The following MCC variants were observed in gnomAD, a reference collection of about 807,000 sequenced individuals.
MCC encodes the protein colorectal mutant cancer protein.
In MCC, 90 loss-of-function variants were observed where a neutral mutation model predicts 116.2. The ratio of observed to expected loss-of-function variants is 0.77; its 90% CI spans 0.65 to 0.92. The LOEUF is 0.92. Ranked by LOEUF, MCC falls within the 40% of genes least tolerant of loss-of-function variation. The pLI is 0.00. For missense variants in MCC, 1,516 were observed against 1,312.2 expected (o/e 1.16, Z -2.40); for synonymous variants, 578 against 510.5 (o/e 1.13, Z -1.78).
Position 113,349,137 on chromosome 5 carries a change from G to C in MCC, c.416-8407C>G, listed in dbSNP as rs566401275. ...TCTACCAAACATTTAAAGAACTAATGCCAATCCTACCCAAAGTGTTCAAAA... is the reference window on the plus strand; with the variant it reads ...TCTACCAAACATTTAAAGAACTAATCCCAATCCTACCCAAAGTGTTCAAAA... On this transcript the variant is annotated intron_variant, in intron 2 of 18. Transcript: ENST00000408903. Among the ~76,000 whole-genome samples the C allele has an allele frequency of 1.2e-4, 18 of 151,916 alleles. No individual in the cohort carries two copies. In the South Asian group the frequency reaches 3.7e-3, roughly 32 times the overall value.
In MCC at chr5:113,024,735, CATTTA is replaced by C. The variant is rs944475301; in HGVS notation, c.*2562_*2566del. 7 of 77,346 alleles carry C rather than the reference CATTTA, an allele frequency of 9.1e-5. No homozygotes were observed. Among genetic ancestry groups the C allele is most frequent in the African/African-American group, 3.1e-4 (5 of 16,170 alleles). 4.8% of individuals were successfully genotyped at this position (77,346 alleles called of 1,614,324 possible). ...GGAAAATTACCCAGGAACCTGCAAG[CATTTA>C]ATTTAATCAGTATAGTTTAGTTCAG... On this transcript the variant is annotated 3_prime_UTR_variant, in exon 19 of 19. Transcript: ENST00000408903.
chr5:113,128,378 C>G (rs1758208055), intron 5 of MCC, among the ~76,000 whole-genome samples: 1 of 152,122 alleles, frequency 6.6e-6, no homozygotes, highest in African/African-American at 2.4e-5. Context: ...AGTAGACTTG[C>G]CTTTAAATGG....
intron 5 of MCC, among the ~76,000 whole-genome samples, chr5:113,126,810 C>G (rs902401343): frequency 6.6e-6 from 1 of 152,148 alleles, no homozygotes; most frequent in African/African-American, 2.4e-5. Context: ...GAGTCATGAG[C>G]TATGTGTGGA....
intron 2 of MCC, among the ~76,000 whole-genome samples, chr5:113,382,283 T>C (rs933427334): frequency 6.6e-6 from 1 of 151,772 alleles, no homozygotes; most frequent in Non-Finnish European, 1.5e-5. Flanking sequence ...TTTTTTTTTT[T>C]TTTTGGATAC....
intron 1 of MCC, among the ~76,000 whole-genome samples, chr5:113,467,644 T>C (rs1220967240): frequency 6.6e-6 from 1 of 152,208 alleles, no homozygotes; most frequent in East Asian, 1.9e-4. Flanking sequence ...TTCTTTTGGC[T>C]TAGGATTGAC....
chr5:113,042,377 G>C (rs1200282349), intron 17 of MCC, among the ~76,000 whole-genome samples: 1 of 148,968 alleles, frequency 6.7e-6, no homozygotes, highest in African/African-American at 2.5e-5. Context: ...TGGGAGGCTG[G>C]GGTGGGAGGA....
chr5:113,162,054 G>A (rs987529309), intron 3 of MCC, among the ~76,000 whole-genome samples: 5 of 152,124 alleles, frequency 3.3e-5, no homozygotes. Flanking sequence ...AATCTGCTTC[G>A]TGTTCCCTCT....
chr5:113,157,959 T>C lies in MCC; in HGVS notation c.628-6537A>G, dbSNP rs114113433. Among the ~76,000 whole-genome samples, 554 of 152,312 alleles carry C rather than the reference T, an allele frequency of 3.6e-3. 3 individuals are homozygous for C. Among genetic ancestry groups the C allele is most frequent in the African/African-American group, 0.013 (525 of 41,566 alleles). On this transcript the variant is annotated intron_variant, in intron 3 of 18. Transcript: ENST00000408903. Reference sequence around the variant, plus strand: ...ATAAGGATGACGTGAACACAAGCACTGTGATGCCATGGCATTTGATGTGAT... The same window carrying C: ...ATAAGGATGACGTGAACACAAGCACCGTGATGCCATGGCATTTGATGTGAT...
chr5:113,180,682 T>G (rs1403598346), intron 3 of MCC, among the ~76,000 whole-genome samples: 1 of 152,154 alleles, frequency 6.6e-6, no homozygotes, highest in Non-Finnish European at 1.5e-5. Context: ...GAGTATACAT[T>G]TATGTATATG....
intron 3 of MCC, among the ~76,000 whole-genome samples, chr5:113,157,906 C>T (rs1483771016): frequency 6.6e-6 from 1 of 152,224 alleles, no homozygotes. Flanking sequence ...CACTGCTACT[C>T]TTATGCTTCG....
chr5:113,288,797 T>A (rs1162431094), intron 3 of MCC, among the ~76,000 whole-genome samples: 3 of 152,212 alleles, frequency 2.0e-5, no homozygotes, highest in African/African-American at 7.2e-5. Context: ...GGCACAAATC[T>A]TGACTCCACC....
chr5:113,075,826 G>A (rs1197073320), intron 11 of MCC, among the ~76,000 whole-genome samples: 3 of 152,074 alleles, frequency 2.0e-5, no homozygotes, highest in Non-Finnish European at 2.9e-5. Flanking sequence ...TTGGGTCCGC[G>A]CCACCTTTAA....
At chr5:113,240,005 T>C (rs1410149692) in intron 3 of MCC, among the ~76,000 whole-genome samples, 17 of 152,246 alleles carry the variant, frequency 1.1e-4, no homozygotes, top group Admixed American at 1.1e-3. Context: ...CAGTGGCTTC[T>C]GCCTTTTTGA....
intron 5 of MCC, among the ~76,000 whole-genome samples, chr5:113,138,380 G>A (rs1030896489): frequency 6.6e-6 from 1 of 152,154 alleles, no homozygotes; most frequent in African/African-American, 2.4e-5. Flanking sequence ...GCCTTTGGGA[G>A]GTAATTAGGT....
intron 3 of MCC, among the ~76,000 whole-genome samples, chr5:113,166,545 A>G (rs1020344306): frequency 3.9e-5 from 6 of 152,204 alleles, no homozygotes; most frequent in African/African-American, 1.4e-4. Flanking sequence ...AAATGCAAAC[A>G]TCACTCTGAG....
chr5:113,239,731 G>A (rs1352002981), intron 3 of MCC, among the ~76,000 whole-genome samples: 1 of 152,120 alleles, frequency 6.6e-6, no homozygotes, highest in Non-Finnish European at 1.5e-5. Flanking sequence ...CTTATTTTAG[G>A]CAACTATGGT....
At chr5:113,293,724 C>G (rs1766598868) in intron 3 of MCC, among the ~76,000 whole-genome samples, 1 of 152,124 alleles carries the variant, frequency 6.6e-6, no homozygotes, top group African/African-American at 2.4e-5. Flanking sequence ...GCGCTTGCCT[C>G]AAAGACTCAG....
chr5:113,092,946 A>C (rs527998267), intron 8 of MCC, among the ~76,000 whole-genome samples: 6 of 152,314 alleles, frequency 3.9e-5, no homozygotes, highest in African/African-American at 1.4e-4. Flanking sequence ...AATGGGAAGC[A>C]ATTTGATTGT....
At chr5:113,398,165 G>T (rs1769582473) in intron 1 of MCC, among the ~76,000 whole-genome samples, 1 of 152,106 alleles carries the variant, frequency 6.6e-6, no homozygotes, top group South Asian at 2.1e-4. Context: ...AATGGTTATT[G>T]TTAAAACGTC....
Sources: allele counts gnomAD v4.1 joint callset (sites outside exome capture counted in the v4.1 genomes callset), GRCh38; gene constraint gnomAD v4.1.1; transcripts MANE v1.5; gene names NCBI Gene and HGNC (gene_info 2026-07-23, HGNC 2026-07-21).